PGF: variants seen among roughly 807,000 people sequenced by gnomAD.
PGF encodes the protein placenta growth factor.
In PGF, 11 loss-of-function variants were observed where a neutral mutation model predicts 25.3. The ratio of observed to expected loss-of-function variants is 0.43; its 90% confidence interval spans 0.27 to 0.72. The LOEUF (loss-of-function observed/expected upper bound fraction) is 0.72, where lower values mean the gene tolerates loss of function less well. PGF is among the 30% of genes least tolerant of loss of function. The pLI, the probability that PGF is intolerant of heterozygous loss-of-function variation, is 0.18. For missense variants in PGF, 230 were observed against 234.9 expected (o/e 0.98, Z 0.14); for synonymous variants, 105 against 97.9 (o/e 1.07, Z -0.43).
At position 74,942,696 on chromosome 14, in the gene PGF, A is replaced by G. The variant is rs1446012136; in HGVS notation, c.*10T>C. On this transcript the variant is annotated 3_prime_UTR_variant, in exon 7 of 7. Transcript: ENST00000555567. Reference sequence around the variant, plus strand: ...GCCGGGTGCGGGGTCTCTCTCCTCCAAGGGGTGGGTTACCTCCGGGGAACA... The same window carrying G: ...GCCGGGTGCGGGGTCTCTCTCCTCCGAGGGGTGGGTTACCTCCGGGGAACA... 4.3e-6 allele frequency: 7 copies of G among 1,612,342 alleles called. No individual in the cohort carries two copies. Among genetic ancestry groups the G allele is most frequent in the South Asian group, 2.2e-5 (2 of 90,896 alleles).
In PGF at chr14:74,948,600, T is replaced by C; in HGVS notation, c.316-17A>G. ...CTTTAGGAGCTGAAGGAAGAAAGAGTTGATGCCTGGATTGGGGAGTGGCCC... is the reference window on the plus strand; with the variant it reads ...CTTTAGGAGCTGAAGGAAGAAAGAGCTGATGCCTGGATTGGGGAGTGGCCC... On this transcript the variant is annotated splice_polypyrimidine_tract_variant and intron_variant, in intron 3 of 6. Coordinates refer to ENST00000555567, the MANE Select transcript of PGF (RefSeq NM_002632.6). The C allele has an allele frequency of 6.4e-7, 1 of 1,574,282 alleles. No homozygotes were observed. The highest frequency in any genetic ancestry group is 8.7e-7 in the Non-Finnish European group (1 of 1,148,454).
chr14:74,955,426 G>C lies in PGF; in HGVS notation c.-184C>G. On this transcript the variant is annotated 5_prime_UTR_variant, in exon 1 of 7. Coordinates refer to ENST00000555567, the MANE Select transcript of PGF (RefSeq NM_002632.6). The surrounding 1 kb of genome is among the most constrained non-coding windows in gnomAD (Gnocchi z 4.1). ...AGCCTTGCGGAGTCAGGAGCCCGTA[G>C]GTAAGGCTGTGGCTGGGGAACCCGA... The C allele has an allele frequency of 4.9e-6, 2 of 405,314 alleles. No individual in the cohort carries two copies. The highest frequency in any genetic ancestry group is 8.8e-6 in the Non-Finnish European group (2 of 228,358). The allele number at this position is 405,314 out of a possible 1,614,324, so 25.1% of individuals were successfully genotyped here. A position where few individuals can be genotyped will look rare whatever the true frequency, so the allele number is the denominator to read the frequency against.
At chr14:74,948,669 C>A (rs909633629) in intron 3 of PGF, 86 bp from the exon 4 acceptor site, 1 of 818,934 alleles carries the variant, frequency 1.2e-6, no homozygotes, top group East Asian at 2.7e-5. Flanking sequence ...AAGGAGAACC[C>A]GACTCTGTTT....
chr14:74,947,038 A>G, intron 4 of PGF: 1 of 589,370 alleles, frequency 1.7e-6, no homozygotes, highest in South Asian at 2.1e-5. Context: ...AACAGTGGGT[A>G]GAGACATGGG....
chr14:74,946,747 T>C (rs1888747123), intron 4 of PGF: 1 of 703,086 alleles, frequency 1.4e-6, no homozygotes, highest in African/African-American at 1.7e-5. Flanking sequence ...TTTGCTGCTT[T>C]TTTCCGTTCC....
chr14:74,949,223 C>T lies in PGF; in HGVS notation c.315+134G>A, dbSNP rs534964482. ...CATCGGAGGGCTTAGGAAGAAGAGG[C>T]CCTGGGCTGGGGTGGTAGGAGCACT... On this transcript the variant is annotated intron_variant, in intron 3 of 6. Transcript: ENST00000555567. 6.4e-5 allele frequency: 41 copies of T among 644,142 alleles called. No homozygotes were observed. In the African/African-American group the frequency reaches 7.2e-4, roughly 11 times the overall value. The allele number at this position is 644,142 out of a possible 1,614,324, so 39.9% of individuals were successfully genotyped here.
intron 4 of PGF, 114 bp downstream of exon 4, chr14:74,948,393 T>A: frequency 3.4e-6 from 2 of 586,516 alleles, no homozygotes; most frequent in Non-Finnish European, 6.1e-6. Flanking sequence ...GGAAAAAAGT[T>A]CAGCCCGCAG....
intron 1 of PGF, chr14:74,954,241 T>G (rs1040549501): frequency 6.8e-6 from 3 of 438,042 alleles, no homozygotes; most frequent in Admixed American, 3.4e-5. Context: ...CCTGCGGGTC[T>G]GCCTTCTACC....
At chr14:74,946,541 T>C in intron 4 of PGF, 133 bp from the exon 5 acceptor site, 1 of 812,654 alleles carries the variant, frequency 1.2e-6, no homozygotes. Context: ...CACTAGGGGG[T>C]AGCATGGAGT....
chr14:74,942,609 A>G lies in PGF; in HGVS notation c.*97T>C. 8.4e-7 allele frequency: 1 copy of G among 1,185,740 alleles called. No homozygotes were observed. The highest frequency in any genetic ancestry group is 1.3e-5 in the South Asian group (1 of 77,854). 73.5% of individuals were successfully genotyped at this position (1,185,740 alleles called of 1,614,324 possible). ...GCATTCAGCAGGGAAACAGTTGGCT[A>G]ATAAATAGAGGGCAGGTACCAGCAG... On this transcript the variant is annotated 3_prime_UTR_variant, in exon 7 of 7. Transcript: ENST00000555567.
intron 1 of PGF, among the ~76,000 whole-genome samples, chr14:74,954,720 C>T (rs1888945541): frequency 6.6e-6 from 1 of 152,050 alleles, no homozygotes; most frequent in Non-Finnish European, 1.5e-5. Context: ...CAGTCCTGAG[C>T]CCTGGTGGGG....
In PGF at chr14:74,946,111, C is replaced by T. The variant is rs1286129067; in HGVS notation, c.485+102G>A. The T allele has an allele frequency of 4.0e-6, 4 of 1,004,050 alleles. 1 individual carries two copies. The South Asian group carries it at 4.0e-5, about 10-fold the overall frequency. 62.2% of individuals were successfully genotyped at this position (1,004,050 alleles called of 1,614,324 possible). On this transcript the variant is annotated intron_variant, in intron 6 of 6. Coordinates refer to ENST00000555567, the MANE Select transcript of PGF (RefSeq NM_002632.6). ...CTCCCTGTTCTGCCCCCAAGACTGG[C>T]CTCAGTCCTGCCTCTCCCCCTCCCC...
Position 74,950,029 on chromosome 14 carries a change from C to T in PGF, c.119-476G>A, listed in dbSNP as rs1193411286. On this transcript the variant is annotated intron_variant, in intron 2 of 6. Coordinates refer to ENST00000555567, the MANE Select transcript of PGF (RefSeq NM_002632.6). This position sits in a 1 kb window ranked among gnomAD's most constrained non-coding sequence, Gnocchi z 4.1. ...CCTGCCCCACTCTGTGCCAGCTCCT[C>T]TGCCTGGCAACCAAGACCACATCCA... is the stretch of plus-strand genomic sequence containing the variant. Among the ~76,000 whole-genome samples, 3 of 152,162 alleles carry T rather than the reference C, an allele frequency of 2.0e-5. No individual in the cohort carries two copies. Among genetic ancestry groups the T allele is most frequent in the African/African-American group, 7.2e-5 (3 of 41,434 alleles).
At chr14:74,949,843 G>A (rs1170192607) in intron 2 of PGF, among the ~76,000 whole-genome samples, 1 of 152,202 alleles carries the variant, frequency 6.6e-6, no homozygotes, top group Non-Finnish European at 1.5e-5. Flanking sequence ...GAGGATTGTA[G>A]CCCCGGCAGC....
At position 74,948,558 on chromosome 14, in the gene PGF, C is replaced by T. The variant is rs776832762; in HGVS notation, c.341G>A (p.Arg114Gln). ...GAACGTCAGCTCCACGTAGGAGGGC[C>T]GGTCCCCAGAACGGATCTTTAGGAG... is the stretch of plus-strand genomic sequence containing the variant. Reference protein sequence around the residue: ...MQLLKIRSGDRPSYVELTFSQ... With the variant: ...MQLLKIRSGDQPSYVELTFSQ... Residue 114 changes from arginine (R) to glutamine (Q), a missense_variant, in exon 4 of 7, where the codon CGG becomes CAG. Coordinates refer to ENST00000555567, the MANE Select transcript of PGF (RefSeq NM_002632.6). The T allele has an allele frequency of 2.6e-5, 42 of 1,604,878 alleles. 1 individual carries two copies. The highest frequency in any genetic ancestry group is 2.0e-4 in the East Asian group (9 of 44,410).
chr14:74,946,429 A>T (rs1180604936), intron 4 of PGF, 21 bp from the exon 5 acceptor site: 42 of 1,593,144 alleles, frequency 2.6e-5, no homozygotes, highest in African/African-American at 5.4e-5. Context: ...AGACAGAGAG[A>T]GGGGCAGAGG....
rs966944549 is a variant in PGF at position 74,950,112 on chromosome 14, G to T, written c.119-559C>A. Among the ~76,000 whole-genome samples the T allele has an allele frequency of 6.6e-6, 1 of 152,104 alleles. No homozygotes were observed. Among genetic ancestry groups the T allele is most frequent in the Non-Finnish European group, 1.5e-5 (1 of 68,028 alleles). On this transcript the variant is annotated intron_variant, in intron 2 of 6. Transcript: ENST00000555567. This position sits in a 1 kb window ranked among gnomAD's most constrained non-coding sequence, Gnocchi z 4.1. ...CCAACCAGCGCTCACACTGAGCCAC[G>T]GCAGCACCACATTCACTCCCAGCTC...
chr14:74,953,755 C>T lies in PGF; in HGVS notation c.118+149G>A. 2 of 807,764 alleles carry T rather than the reference C, an allele frequency of 2.5e-6. No homozygotes were observed. Among genetic ancestry groups the T allele is most frequent in the Non-Finnish European group, 4.3e-6 (2 of 467,286 alleles). The allele number at this position is 807,764 out of a possible 1,614,324, so 50.0% of individuals were successfully genotyped here. A position where few individuals can be genotyped will look rare whatever the true frequency, so the allele number is the denominator to read the frequency against. The stretch of plus-strand genomic sequence containing the variant: ...GTCACCATGAGGGGATCTCTTAGGC[C>T]CTGCCAAAGTCATCACCCAGCATGT... On this transcript the variant is annotated intron_variant, in intron 2 of 6. Transcript: ENST00000555567. The surrounding 1 kb of genome is among the most constrained non-coding windows in gnomAD (Gnocchi z 5.4).
rs61141622 is a variant in PGF, at chr14:74,950,512, T to C, written c.119-959A>G. ...TCCTGGCGATCGTGAATGGGATCTT[T>C]TGGGGGCTGATCTGGAATCCCTCAA... is the stretch of plus-strand genomic sequence containing the variant. On this transcript the variant is annotated intron_variant, in intron 2 of 6. Transcript: ENST00000555567. This position sits in a 1 kb window ranked among gnomAD's most constrained non-coding sequence, Gnocchi z 4.1. 9.2e-3 allele frequency among the ~76,000 whole-genome samples: 1,394 copies of C among 152,268 alleles called. 23 individuals carry two copies. The highest frequency in any genetic ancestry group is 0.032 in the African/African-American group (1,336 of 41,548).
Sources: allele counts gnomAD v4.1 joint callset (sites outside exome capture counted in the v4.1 genomes callset), GRCh38; gene constraint gnomAD v4.1.1; non-coding constraint Gnocchi (gnomAD v3.1); transcripts MANE v1.5; gene names NCBI Gene and HGNC (gene_info 2026-07-23, HGNC 2026-07-21).